The following GLI2 variants were observed in gnomAD, a reference collection of about 807,000 sequenced individuals.
GLI2 encodes GLI family zinc finger 2, also known as transcription activator GLI2.
In GLI2, 22 loss-of-function variants were observed where a neutral mutation model predicts 78.9. The ratio of observed to expected loss-of-function variants is 0.28; its 90% CI spans 0.20 to 0.40. The LOEUF (loss-of-function observed/expected upper bound fraction) is 0.40. Ranked by LOEUF, GLI2 falls within the 10% of genes least tolerant of loss-of-function variation. The pLI, the probability that GLI2 is intolerant of heterozygous loss-of-function variation, is 1.00. For missense variants in GLI2, 2,097 were observed against 2,213.2 expected (o/e 0.95, Z 1.05); for synonymous variants, 974 against 963.7 (o/e 1.01, Z -0.20).
At chr2:120,872,143 G>A (rs570198031) in intron 2 of GLI2, among the ~76,000 whole-genome samples, 1 of 152,328 alleles carries the variant, frequency 6.6e-6, no homozygotes, top group South Asian at 2.1e-4. Context: ...GAGGTGGAGT[G>A]ACCTCACGCT....
chr2:120,872,728 C>G (rs1688529731), intron 2 of GLI2, among the ~76,000 whole-genome samples: 1 of 152,220 alleles, frequency 6.6e-6, no homozygotes, highest in African/African-American at 2.4e-5. Flanking sequence ...ACCTCAGTGT[C>G]TCTTCTGTAA....
rs1684247485 is a variant in GLI2 at position 120,793,587 on chromosome 2, C to T, written c.-30-3704C>T. Among the ~76,000 whole-genome samples the T allele has an allele frequency of 9.2e-5, 14 of 152,328 alleles. No homozygotes were observed. The South Asian group carries it at 2.9e-3, about 32-fold the overall frequency. ...CGCTAATTCCTGTGATTTACACAGC[C>T]TCTTGGCTCTGTGTACTATCTTCTT... On this transcript the variant is annotated intron_variant, in intron 1 of 13. Transcript: ENST00000361492.
rs1046322155 is a variant in GLI2, at chr2:120,835,535, G to A, written c.148+38067G>A. Among the ~76,000 whole-genome samples, 6 of 152,002 alleles carry A rather than the reference G, an allele frequency of 3.9e-5. No homozygotes were observed. In the South Asian group the frequency reaches 6.3e-4, roughly 16 times the overall value. ...TGAGTAGCTAGGATTATAGGCGCCC[G>A]CCACCACACCTGGCTAATGTTTGTA... On this transcript the variant is annotated intron_variant, in intron 2 of 13. Transcript: ENST00000361492.
At chr2:120,765,639 G>T (rs1047160627) in intron 1 of GLI2, among the ~76,000 whole-genome samples, 5 of 152,234 alleles carry the variant, frequency 3.3e-5, no homozygotes, top group African/African-American at 1.2e-4. Flanking sequence ...GTGACACCTT[G>T]GAGCTGACGC....
chr2:120,760,232 C>T (rs34923426), intron 1 of GLI2, among the ~76,000 whole-genome samples: 22,004 of 152,130 alleles, frequency 0.14, 1,613 homozygotes, highest in Middle Eastern at 0.21. Context: ...TGGGGCCCAT[C>T]CCAACTGTAC....
At chr2:120,937,260 G>A (rs1481220867) in intron 3 of GLI2, among the ~76,000 whole-genome samples, 1 of 152,124 alleles carries the variant, frequency 6.6e-6, no homozygotes, top group African/African-American at 2.4e-5. Flanking sequence ...ATTTTTATTT[G>A]TATAAATTTA....
intron 1 of GLI2, among the ~76,000 whole-genome samples, chr2:120,793,093 G>T (rs1667742679): frequency 6.6e-6 from 1 of 152,244 alleles, no homozygotes; most frequent in African/African-American, 2.4e-5. Flanking sequence ...GCCCAGAAAT[G>T]CTCCTGAAGC....
At position 120,814,436 on chromosome 2, in the gene GLI2, T is replaced by C. The variant is rs796974976; in HGVS notation, c.148+16968T>C. Among the ~76,000 whole-genome samples, 8 of 152,202 alleles carry C rather than the reference T, an allele frequency of 5.3e-5. No homozygotes were observed. The South Asian group carries it at 1.7e-3, about 32-fold the overall frequency. The stretch of plus-strand genomic sequence containing the variant: ...AATGGATACTTCTAGGCAGATCACC[T>C]GGCTGTTGTCAGATATCAGTGCCTC... On this transcript the variant is annotated intron_variant, in intron 2 of 13. Transcript: ENST00000361492.
chr2:120,842,349 C>T (rs1047784735), intron 2 of GLI2, among the ~76,000 whole-genome samples: 18 of 152,122 alleles, frequency 1.2e-4, no homozygotes, highest in African/African-American at 4.3e-4. Context: ...CAATTGTCAG[C>T]ATCTTGTTTT....
intron 2 of GLI2, among the ~76,000 whole-genome samples, chr2:120,821,434 A>T (rs1331398560): frequency 6.6e-6 from 1 of 152,156 alleles, no homozygotes; most frequent in Non-Finnish European, 1.5e-5. Flanking sequence ...GGCGACAGAG[A>T]AGGGTAGCTC....
At chr2:120,815,006 C>G (rs1277943158) in intron 2 of GLI2, among the ~76,000 whole-genome samples, 1 of 152,118 alleles carries the variant, frequency 6.6e-6, no homozygotes, top group Non-Finnish European at 1.5e-5. Context: ...TTGATGCCAG[C>G]GTCCACGGGC....
chr2:120,913,917 G>A (rs1303231812), intron 2 of GLI2, among the ~76,000 whole-genome samples: 1 of 152,240 alleles, frequency 6.6e-6, no homozygotes, highest in South Asian at 2.1e-4. Context: ...CGTCTCAAGA[G>A]CTATGGCAGA....
chr2:120,944,893 G>A (rs1288768041), intron 3 of GLI2, among the ~76,000 whole-genome samples: 1 of 152,260 alleles, frequency 6.6e-6, no homozygotes, highest in Non-Finnish European at 1.5e-5. Flanking sequence ...CCCTGTGGCA[G>A]CAGCCACAGA....
intron 2 of GLI2, among the ~76,000 whole-genome samples, chr2:120,892,342 A>C (rs913008264): frequency 6.6e-6 from 1 of 152,094 alleles, no homozygotes; most frequent in African/African-American, 2.4e-5. Context: ...TCGGTGGTTG[A>C]TGTGGAGTTG....
At chr2:120,916,910 C>T (rs1158047805) in intron 2 of GLI2, among the ~76,000 whole-genome samples, 1 of 152,200 alleles carries the variant, frequency 6.6e-6, no homozygotes. Flanking sequence ...GAGGGAGCAT[C>T]CAGCCTCTTC....
At chr2:120,865,457 C>G (rs1247782552) in intron 2 of GLI2, among the ~76,000 whole-genome samples, 1 of 152,242 alleles carries the variant, frequency 6.6e-6, no homozygotes, top group African/African-American at 2.4e-5. Flanking sequence ...CAGCCTCCAG[C>G]ATGGTCTAGT....
intron 1 of GLI2, among the ~76,000 whole-genome samples, chr2:120,777,705 G>A (rs1036668814): frequency 1.8e-4 from 26 of 147,364 alleles, no homozygotes; most frequent in Admixed American, 1.4e-3. Context: ...GATCCCAGGC[G>A]GGGGTGCAGA....
At chr2:120,921,358 G>A (rs1026026076) in intron 2 of GLI2, among the ~76,000 whole-genome samples, 5 of 152,156 alleles carry the variant, frequency 3.3e-5, no homozygotes, top group African/African-American at 7.2e-5. Flanking sequence ...TAGAAGGGCC[G>A]TTGGGTCAGT....
intron 1 of GLI2, among the ~76,000 whole-genome samples, chr2:120,778,034 C>T (rs886380160): frequency 1.8e-4 from 28 of 152,090 alleles, no homozygotes; most frequent in East Asian, 1.3e-3. Flanking sequence ...GGGTTGGCAG[C>T]GTGCAGCTGG....
Sources: allele counts gnomAD v4.1 joint callset (sites outside exome capture counted in the v4.1 genomes callset), GRCh38; gene constraint gnomAD v4.1.1; transcripts MANE v1.5; gene names NCBI Gene and HGNC (gene_info 2026-07-23, HGNC 2026-07-21).